Variants in FAM13C observed in about 807,000 individuals in gnomAD.
FAM13C encodes the protein protein FAM13C.
In FAM13C, 37 loss-of-function variants were observed where a neutral mutation model predicts 73.2. The ratio of observed to expected loss-of-function variants is 0.51; its 90% CI spans 0.39 to 0.67. The LOEUF (loss-of-function observed/expected upper bound fraction) is 0.67, where lower values mean the gene tolerates loss of function less well. FAM13C is among the 30% of genes least tolerant of loss of function. FAM13C has a pLI of 0.00. For missense variants in FAM13C, 589 were observed against 715.6 expected, an observed-to-expected ratio of 0.82 and a Z score of 2.02; for synonymous variants, 246 against 260.9, an observed-to-expected ratio of 0.94 and a Z score of 0.55.
At position 59,262,457 on chromosome 10, in the gene FAM13C, G is replaced by T. The variant is rs1364978811; in HGVS notation, c.1213C>A (p.Leu405Ile). ...LTCLKERREQ[L>I]PPQEDSKVTK... ...ACCTTAGAATCCTCCTGGGGAGGAA[G>T]TTGCTCTCTTCTCTCCTTCAGGCAT... The change falls in exon 10 of 14, where the codon CTT (leucine) becomes ATT (isoleucine). Residue 405 changes from leucine (L) to isoleucine (I), a missense_variant. Coordinates refer to ENST00000618804, the MANE Select transcript of FAM13C (RefSeq NM_198215.4). 1 of 1,613,636 alleles carries T rather than the reference G, an allele frequency of 6.2e-7. No homozygotes were observed. Among genetic ancestry groups the T allele is most frequent in the Non-Finnish European group, 8.5e-7 (1 of 1,179,714 alleles).
intron 3 of FAM13C, among the ~76,000 whole-genome samples, chr10:59,332,813 G>C (rs752872085): frequency 6.6e-6 from 1 of 152,174 alleles, no homozygotes; most frequent in African/African-American, 2.4e-5. Context: ...CCTATGCACA[G>C]AGCAGAGGTA....
At chr10:59,273,317 G>A (rs1477343101) in intron 6 of FAM13C, among the ~76,000 whole-genome samples, 1 of 152,088 alleles carries the variant, frequency 6.6e-6, no homozygotes, top group Non-Finnish European at 1.5e-5. Flanking sequence ...CAGCATCTAT[G>A]AGACCCATTA....
chr10:59,340,587 T>A (rs757221674), intron 3 of FAM13C, among the ~76,000 whole-genome samples: 7 of 152,182 alleles, frequency 4.6e-5, no homozygotes, highest in African/African-American at 1.7e-4. Flanking sequence ...ATTCTGCTTT[T>A]TAGCATGAAG....
intron 8 of FAM13C, among the ~76,000 whole-genome samples, chr10:59,265,617 AAAAC>A (rs1842988521): frequency 6.6e-6 from 1 of 152,278 alleles, no homozygotes; most frequent in African/African-American, 2.4e-5. Flanking sequence ...AAATATGGTA[AAAAC>A]AAACACACAC....
chr10:59,332,865 G>T (rs917038213), intron 3 of FAM13C, among the ~76,000 whole-genome samples: 9 of 152,132 alleles, frequency 5.9e-5, no homozygotes, highest in Non-Finnish European at 1.3e-4. Flanking sequence ...TCACTTCTCA[G>T]CCACATGGCC....
chr10:59,311,314 G>T (rs1848891490), intron 4 of FAM13C, among the ~76,000 whole-genome samples: 1 of 152,174 alleles, frequency 6.6e-6, no homozygotes, highest in African/African-American at 2.4e-5. Context: ...GAACCATAAA[G>T]AACACATTTT....
intron 5 of FAM13C, among the ~76,000 whole-genome samples, chr10:59,290,555 TC>T (rs1262830106): frequency 7.9e-5 from 12 of 152,094 alleles, no homozygotes; most frequent in Non-Finnish European, 1.5e-5. Context: ...CTCTGCCCCC[TC>T]CTCCTCAGAC....
At chr10:59,297,526 T>G (rs1178518244) in intron 5 of FAM13C, among the ~76,000 whole-genome samples, 4 of 152,164 alleles carry the variant, frequency 2.6e-5, no homozygotes, top group Non-Finnish European at 4.4e-5. Context: ...GCGACTTCCA[T>G]CTGGGTTGGT....
intron 10 of FAM13C, among the ~76,000 whole-genome samples, chr10:59,258,859 T>C (rs1842199702): frequency 6.6e-6 from 1 of 152,152 alleles, no homozygotes; most frequent in Non-Finnish European, 1.5e-5. Context: ...CCAGATAAAA[T>C]GTATACTTTC....
chr10:59,290,295 T>C (rs1198548092), intron 5 of FAM13C, among the ~76,000 whole-genome samples: 1 of 152,192 alleles, frequency 6.6e-6, no homozygotes, highest in Non-Finnish European at 1.5e-5. Context: ...ACAGCTTACA[T>C]TTAGTTCGTA....
intron 3 of FAM13C, among the ~76,000 whole-genome samples, chr10:59,328,487 AAAAAC>A (rs58693118): frequency 0.016 from 2,418 of 151,962 alleles, 60 homozygotes; most frequent in African/African-American, 0.056. Flanking sequence ...GGCCATCAAG[AAAAAC>A]AAAACAAAAC....
At chr10:59,351,149 G>A (rs921798724) in intron 3 of FAM13C, among the ~76,000 whole-genome samples, 35 of 151,910 alleles carry the variant, frequency 2.3e-4, no homozygotes, top group African/African-American at 7.3e-4. Flanking sequence ...GGTCAACATG[G>A]TGAAACCCCG....
At chr10:59,258,067 A>T (rs942552756) in intron 10 of FAM13C, among the ~76,000 whole-genome samples, 61 of 152,324 alleles carry the variant, frequency 4.0e-4, no homozygotes, top group African/African-American at 1.4e-3. Flanking sequence ...ATAATTTTTT[A>T]AAAATAAAAG....
intron 13 of FAM13C, 55 bp downstream of exon 13, chr10:59,251,520 T>A: frequency 6.7e-7 from 1 of 1,499,806 alleles, no homozygotes. Context: ...AGCTCATTTT[T>A]AACAGCAATT....
intron 4 of FAM13C, among the ~76,000 whole-genome samples, chr10:59,322,590 C>T (rs1320465011): frequency 6.6e-6 from 1 of 152,202 alleles, no homozygotes. Flanking sequence ...ACGCCATTTT[C>T]CCCTGTTGGT....
chr10:59,275,310 G>T (rs546356876), intron 6 of FAM13C, among the ~76,000 whole-genome samples: 1 of 152,234 alleles, frequency 6.6e-6, no homozygotes. Flanking sequence ...AGGGAAGTTG[G>T]ACCAGCAGCT....
At chr10:59,313,691 A>T (rs1456740919) in intron 4 of FAM13C, among the ~76,000 whole-genome samples, 1 of 152,166 alleles carries the variant, frequency 6.6e-6, no homozygotes, top group Non-Finnish European at 1.5e-5. Context: ...TAGCTTAAAG[A>T]TGTGCAGAAA....
chr10:59,321,890 A>G (rs1850353204), intron 4 of FAM13C, among the ~76,000 whole-genome samples: 1 of 152,074 alleles, frequency 6.6e-6, no homozygotes, highest in Admixed American at 6.6e-5. Flanking sequence ...CTTTTCTTAC[A>G]GTGTTCATTA....
chr10:59,329,569 G>C (rs1007148097), intron 3 of FAM13C, among the ~76,000 whole-genome samples: 5 of 151,896 alleles, frequency 3.3e-5, no homozygotes, highest in African/African-American at 1.2e-4. Flanking sequence ...AGGTTGGCCA[G>C]TCTGGTCTGG....
Sources: allele counts gnomAD v4.1 joint callset (sites outside exome capture counted in the v4.1 genomes callset), GRCh38; gene constraint gnomAD v4.1.1; transcripts MANE v1.5; gene names NCBI Gene and HGNC (gene_info 2026-07-23, HGNC 2026-07-21).